Variants in CCSER2 observed in about 807,000 individuals in gnomAD.
The protein encoded by CCSER2 is coiled-coil serine rich protein 2.
CCSER2 carries 46 observed loss-of-function variants against 92.3 expected under a neutral mutation model. The ratio of observed to expected loss-of-function variants is 0.50; its 90% CI spans 0.39 to 0.64. The LOEUF is 0.64. Among genes scored for constraint, CCSER2 ranks in the 30% least tolerant of loss-of-function variants. CCSER2 has a pLI of 0.00. For synonymous variants in CCSER2, 433 were observed against 431.4 expected (o/e 1.00, Z -0.04); for missense variants, 1,244 against 1,238.9 (o/e 1.00, Z -0.06).
chr10:84,496,018 T>A (rs10736321), intron 9 of CCSER2, among the ~76,000 whole-genome samples: 84,614 of 149,672 alleles, frequency 0.57, 26,503 homozygotes, highest in East Asian at 0.74. Context: ...AGTTTTTTAA[T>A]AATTCTATTT....
At chr10:84,352,611 C>T (rs545463465) in intron 1 of CCSER2, among the ~76,000 whole-genome samples, 20 of 151,970 alleles carry the variant, frequency 1.3e-4, no homozygotes, top group East Asian at 3.9e-4. Flanking sequence ...CCACTGCCGC[C>T]GCCACCACCT....
intron 9 of CCSER2, among the ~76,000 whole-genome samples, chr10:84,503,463 G>A (rs1418697464): frequency 6.6e-6 from 1 of 152,172 alleles, no homozygotes; most frequent in Non-Finnish European, 1.5e-5. Context: ...TGGCATTGGT[G>A]TAGTCTTTCT....
At chr10:84,407,120 A>G (rs1842416736) in intron 3 of CCSER2, among the ~76,000 whole-genome samples, 1 of 152,154 alleles carries the variant, frequency 6.6e-6, no homozygotes, top group South Asian at 2.1e-4. Context: ...TGACTCCCAC[A>G]ATTTAAATCT....
chr10:84,513,684 G>GTACA lies in CCSER2; in HGVS notation c.2562_2565dup (p.Pro856TyrfsTer4). 1.3e-6 allele frequency: 2 copies of GTACA among 1,550,252 alleles called. No homozygotes were observed. Among genetic ancestry groups the GTACA allele is most frequent in the Non-Finnish European group, 1.7e-6 (2 of 1,151,888 alleles). On this transcript the variant is annotated frameshift_variant, in exon 10 of 10. Transcript: ENST00000372088. LOFTEE classifies it high-confidence loss of function. ...CAATTAACAATGGATGTGGCTAAGA[G>GTACA]TACACCTTCTGAAGCAAACTTAAAC...
At chr10:84,461,002 G>A (rs1000099549) in intron 6 of CCSER2, among the ~76,000 whole-genome samples, 1 of 151,972 alleles carries the variant, frequency 6.6e-6, no homozygotes, top group Non-Finnish European at 1.5e-5. Context: ...TCTGCTTGTT[G>A]TACATTTATT....
At chr10:84,398,107 C>T (rs1841937644) in intron 3 of CCSER2, among the ~76,000 whole-genome samples, 1 of 152,170 alleles carries the variant, frequency 6.6e-6, no homozygotes, top group East Asian at 1.9e-4. Context: ...ATCAAGATGT[C>T]AGCAGGGCTA....
intron 3 of CCSER2, among the ~76,000 whole-genome samples, chr10:84,406,307 C>T (rs531957948): frequency 6.6e-5 from 10 of 152,104 alleles, no homozygotes; most frequent in Admixed American, 6.5e-5. Context: ...GGGACTTCTT[C>T]GAGGGTGAAG....
rs750250954 is a variant in CCSER2 at position 84,372,032 on chromosome 10, G to C, written c.980G>C (p.Arg327Pro). 6.2e-7 allele frequency: 1 copy of C among 1,613,628 alleles called. No individual in the cohort carries two copies. Among genetic ancestry groups the C allele is most frequent in the African/African-American group, 1.3e-5 (1 of 74,868 alleles). ...CATCCCTCTCTACTGAAATCTAGCCGATCTCCATTTTCTGGGACTATGACA... is the reference window on the plus strand; with the variant it reads ...CATCCCTCTCTACTGAAATCTAGCCCATCTCCATTTTCTGGGACTATGACA... The part of the protein sequence containing the change: ...MVHPSLLKSS[R>P]SPFSGTMTVD... The change falls in exon 2 of 10, where the codon CGA (arginine) becomes CCA (proline). Residue 327 changes from arginine to proline, a missense_variant. Physicochemically the swap from Arg to Pro is moderately radical, Grantham distance 103 (BLOSUM62 -2). Transcript: ENST00000372088.
intron 1 of CCSER2, among the ~76,000 whole-genome samples, chr10:84,353,794 G>A (rs1476580012): frequency 6.6e-6 from 1 of 151,984 alleles, no homozygotes; most frequent in Non-Finnish European, 1.5e-5. Context: ...TCTCATGGTG[G>A]GATCTTGTTC....
At chr10:84,343,244 CTTAG>C (rs1844303740) in intron 1 of CCSER2, among the ~76,000 whole-genome samples, 1 of 152,178 alleles carries the variant, frequency 6.6e-6, no homozygotes, top group Non-Finnish European at 1.5e-5. Context: ...ATTTTCCCAT[CTTAG>C]TTAATGATAC....
chr10:84,485,988 G>T (rs1355010769), intron 9 of CCSER2, among the ~76,000 whole-genome samples: 1 of 152,130 alleles, frequency 6.6e-6, no homozygotes, highest in Non-Finnish European at 1.5e-5. Context: ...GTGAGAACAT[G>T]CGGTGTTTGT....
chr10:84,356,621 T>C (rs1845186319), intron 1 of CCSER2, among the ~76,000 whole-genome samples: 1 of 152,220 alleles, frequency 6.6e-6, no homozygotes, highest in Non-Finnish European at 1.5e-5. Flanking sequence ...GAGATTGAGA[T>C]TCTAAATTAG....
chr10:84,381,829 A>G (rs578086485), intron 3 of CCSER2, among the ~76,000 whole-genome samples: 44 of 149,494 alleles, frequency 2.9e-4, no homozygotes, highest in African/African-American at 1.0e-3. Flanking sequence ...TCGGGAGGCT[A>G]GGAGAATTGC....
At chr10:84,375,273 A>G (rs1846265519) in intron 3 of CCSER2, among the ~76,000 whole-genome samples, 1 of 152,136 alleles carries the variant, frequency 6.6e-6, no homozygotes, top group Admixed American at 6.6e-5. Flanking sequence ...CTCCTTGTTC[A>G]GTAGGTTTAT....
intron 3 of CCSER2, chr10:84,389,303 G>C: frequency 1.9e-6 from 1 of 522,178 alleles, no homozygotes; most frequent in East Asian, 5.4e-5. Context: ...TCTGGCTAAA[G>C]ATCAGTGCCA....
rs569692480 is a variant in CCSER2 at position 84,501,216 on chromosome 10, A to G, written c.2326-12233A>G. 1.1e-4 allele frequency among the ~76,000 whole-genome samples: 17 copies of G among 152,124 alleles called. No individual in the cohort carries two copies. The South Asian group carries it at 2.7e-3, about 24-fold the overall frequency. ...AGTAAGTTGCTTTCTTTTCTCCTCT[A>G]TTTAAATAATCCCAGCACAAAAAGA... On this transcript the variant is annotated intron_variant, in intron 9 of 9. Coordinates refer to ENST00000372088, the MANE Select transcript of CCSER2 (RefSeq NM_001284240.2).
intron 9 of CCSER2, among the ~76,000 whole-genome samples, chr10:84,481,601 T>C (rs1847460485): frequency 6.6e-6 from 1 of 152,158 alleles, no homozygotes; most frequent in Admixed American, 6.6e-5. Context: ...GCTCTTCATT[T>C]AGGGCAAGAC....
At chr10:84,431,158 T>A (rs1298124789) in intron 5 of CCSER2, among the ~76,000 whole-genome samples, 1 of 116,596 alleles carries the variant, frequency 8.6e-6, no homozygotes, top group Non-Finnish European at 2.0e-5. Flanking sequence ...GGGTTCACTC[T>A]GTTTTGTATA....
chr10:84,355,492 C>T (rs1845117272), intron 1 of CCSER2, among the ~76,000 whole-genome samples: 1 of 152,174 alleles, frequency 6.6e-6, no homozygotes, highest in African/African-American at 2.4e-5. Context: ...TCCCTCTCTC[C>T]CAGTTAAGCA....
Sources: allele counts gnomAD v4.1 joint callset (sites outside exome capture counted in the v4.1 genomes callset), GRCh38; gene constraint gnomAD v4.1.1; transcripts MANE v1.5; gene names NCBI Gene and HGNC (gene_info 2026-07-23, HGNC 2026-07-21).